KSR1: variants seen among roughly 807,000 people sequenced by gnomAD.
KSR1 encodes the protein kinase suppressor of ras 1.
Under a neutral mutation model 92.9 loss-of-function variants are expected in KSR1, and 35 were observed. The observed-to-expected ratio is 0.38, with a 90% CI of 0.29 to 0.50. The LOEUF (loss-of-function observed/expected upper bound fraction) is 0.50, where lower values mean the gene tolerates loss of function less well. KSR1 is among the 20% of genes least tolerant of loss of function. The pLI, the probability that KSR1 is intolerant of heterozygous loss-of-function variation, is 0.94. For synonymous variants in KSR1, 467 were observed against 472.6 expected (o/e 0.99, Z 0.15); for missense variants, 972 against 1,158.5 (o/e 0.84, Z 2.34).
intron 10 of KSR1, among the ~76,000 whole-genome samples, chr17:27,598,923 G>A (rs191835193): frequency 1.4e-4 from 22 of 152,228 alleles, no homozygotes; most frequent in East Asian, 9.7e-4. Context: ...GCCTCCTATC[G>A]TCCCCTGCTC....
chr17:27,528,032 G>A (rs369869949), intron 1 of KSR1, among the ~76,000 whole-genome samples: 3 of 152,210 alleles, frequency 2.0e-5, no homozygotes, highest in Admixed American at 6.5e-5. Context: ...TTAGTGTATC[G>A]AGTAGGTATT....
Position 27,612,010 on chromosome 17 carries a change from G to A in KSR1, c.2493+381G>A, listed in dbSNP as rs545887815. 2.0e-5 allele frequency among the ~76,000 whole-genome samples: 3 copies of A among 152,206 alleles called. No homozygotes were observed. In the South Asian group the frequency reaches 6.2e-4, roughly 32 times the overall value. Reference sequence around the variant, plus strand: ...ATACAAATAGTTGTGCTATGCTGTGGTATTAAATCTTTCCTCATAATGTTT... The same window carrying A: ...ATACAAATAGTTGTGCTATGCTGTGATATTAAATCTTTCCTCATAATGTTT... On this transcript the variant is annotated intron_variant, in intron 18 of 20. Coordinates refer to ENST00000644974, the MANE Select transcript of KSR1 (RefSeq NM_001394583.1).
intron 1 of KSR1, among the ~76,000 whole-genome samples, chr17:27,532,787 C>T (rs985504200): frequency 1.3e-5 from 2 of 152,208 alleles, no homozygotes; most frequent in African/African-American, 4.8e-5. Context: ...CCTGGGGCTC[C>T]TCACCAGTAT....
intron 1 of KSR1, among the ~76,000 whole-genome samples, chr17:27,508,312 A>G (rs999860941): frequency 6.6e-6 from 1 of 152,144 alleles, no homozygotes; most frequent in Non-Finnish European, 1.5e-5. Context: ...AATAATGGTT[A>G]TCATTGACTG....
intron 1 of KSR1, among the ~76,000 whole-genome samples, chr17:27,478,830 C>T (rs2068421052): frequency 1.3e-5 from 2 of 152,154 alleles, no homozygotes; most frequent in African/African-American, 4.8e-5. Context: ...CCTGGGAATC[C>T]ATTTCCTAAT....
intron 1 of KSR1, among the ~76,000 whole-genome samples, chr17:27,540,535 C>G (rs2070922164): frequency 6.6e-6 from 1 of 152,232 alleles, no homozygotes; most frequent in African/African-American, 2.4e-5. Context: ...GAGGTTGTCT[C>G]TACACAAATG....
At chr17:27,496,520 C>T (rs2150971287) in intron 1 of KSR1, among the ~76,000 whole-genome samples, 1 of 152,210 alleles carries the variant, frequency 6.6e-6, no homozygotes, top group Non-Finnish European at 1.5e-5. Context: ...TTCCTCACCT[C>T]TCCCCTCCCT....
chr17:27,523,080 G>A lies in KSR1; in HGVS notation c.232-27488G>A, dbSNP rs143722618. 2.9e-3 allele frequency among the ~76,000 whole-genome samples: 445 copies of A among 152,300 alleles called. 14 individuals carry two copies. In the East Asian group the frequency reaches 0.068, roughly 23 times the overall value. On this transcript the variant is annotated intron_variant, in intron 1 of 20. Coordinates refer to ENST00000644974, the MANE Select transcript of KSR1 (RefSeq NM_001394583.1). ...TCAAGAGAACTTGACTAGATGTGGTGAAGTTAGGGATACACATACCCTATA... is the reference window on the plus strand; with the variant it reads ...TCAAGAGAACTTGACTAGATGTGGTAAAGTTAGGGATACACATACCCTATA...
intron 1 of KSR1, among the ~76,000 whole-genome samples, chr17:27,466,095 C>T (rs1313374732): frequency 1.3e-5 from 2 of 152,262 alleles, no homozygotes; most frequent in African/African-American, 2.4e-5. Flanking sequence ...AGTACTGCAA[C>T]AACAGTTCTC....
intron 1 of KSR1, among the ~76,000 whole-genome samples, chr17:27,540,429 A>G (rs1386167805): frequency 6.6e-6 from 1 of 151,850 alleles, no homozygotes; most frequent in Non-Finnish European, 1.5e-5. Flanking sequence ...GAATATCTCC[A>G]CTTGTGGTCT....
chr17:27,561,864 G>A (rs993676977), intron 2 of KSR1, among the ~76,000 whole-genome samples: 3 of 152,090 alleles, frequency 2.0e-5, no homozygotes, highest in African/African-American at 7.2e-5. Flanking sequence ...TTGTTTGTTT[G>A]TGGCAGAGTC....
rs1174891619 is a variant in KSR1 at position 27,622,184 on chromosome 17, A to G, written c.2708+911A>G. 5 of 558,670 alleles carry G rather than the reference A, an allele frequency of 8.9e-6. No homozygotes were observed. In the African/African-American group the frequency reaches 9.5e-5, roughly 11 times the overall value. The allele number at this position is 558,670 out of a possible 1,614,324, so 34.6% of individuals were successfully genotyped here. On this transcript the variant is annotated intron_variant, in intron 20 of 20. Coordinates refer to ENST00000644974, the MANE Select transcript of KSR1 (RefSeq NM_001394583.1). ...GGATCCCACTAACTGAGCTCCCTCC[A>G]AGGCAGTCTGGGCAGCTTCTAACTA...
Position 27,601,371 on chromosome 17 carries a change from A to G in KSR1, c.1480A>G (p.Ile494Val). The G allele has an allele frequency of 6.2e-7, 1 of 1,613,662 alleles. No individual in the cohort carries two copies. Residue 494 changes from isoleucine (I) to valine (V), a missense_variant, in exon 11 of 21, where the codon ATT becomes GTT. Ile to Val is a conservative substitution (Grantham distance 29, BLOSUM62 3). Coordinates refer to ENST00000644974, the MANE Select transcript of KSR1 (RefSeq NM_001394583.1). ...SRFNFPAAYF[I>V]HHRQQFIFPD... is the part of the protein sequence containing the mutation. ...TCTTCTGTTTAAAGCTGCCTACTTCATTCATCATAGACAGCAGTTTATCTT... is the reference window on the plus strand; with the variant it reads ...TCTTCTGTTTAAAGCTGCCTACTTCGTTCATCATAGACAGCAGTTTATCTT...
At chr17:27,621,378 CATTT>C (rs1318474271) in intron 20 of KSR1, 105 bp downstream of exon 20, 7 of 396,610 alleles carry the variant, frequency 1.8e-5, no homozygotes, top group Non-Finnish European at 3.1e-5. Flanking sequence ...ATCTTTGTGT[CATTT>C]ATTCTCGCAA....
chr17:27,551,978 G>A (rs2071413132), intron 2 of KSR1, among the ~76,000 whole-genome samples: 1 of 152,046 alleles, frequency 6.6e-6, no homozygotes, highest in Non-Finnish European at 1.5e-5. Context: ...GGCCTCTCTC[G>A]CCTCTGTTTG....
At chr17:27,588,608 T>A in intron 6 of KSR1, 73 bp downstream of exon 6, 4 of 1,339,086 alleles carry the variant, frequency 3.0e-6, no homozygotes, top group Non-Finnish European at 4.1e-6. Context: ...GGAGTTCTGG[T>A]CACTGTTTCT....
At position 27,610,211 on chromosome 17, in the gene KSR1, C is replaced by T; in HGVS notation, c.2357+13C>T. ...TCTATGCATTTGGGTGAGTAGGCCC[C>T]TGGTGCCCTGAGGCCAAGTGTGGCC... On this transcript the variant is annotated intron_variant, in intron 17 of 20. Coordinates refer to ENST00000644974, the MANE Select transcript of KSR1 (RefSeq NM_001394583.1). The T allele has an allele frequency of 5.0e-6, 8 of 1,613,676 alleles. No individual in the cohort carries two copies. Among genetic ancestry groups the T allele is most frequent in the Non-Finnish European group, 6.8e-6 (8 of 1,179,672 alleles).
rs1364409711 is a variant in KSR1 at position 27,623,349 on chromosome 17, G to A, written c.2744G>A (p.Arg915Lys). ...AGCAAAGTTGTACCCCGGTTTGAAA[G>A]GTTTGGCTTGGGCGTCCTGGAGTCC... ...NSSKVVPRFE[R>K]FGLGVLESSN... Residue 915 changes from arginine to lysine, a missense_variant, in exon 21 of 21, where the codon AGG becomes AAG. Arg to Lys is a conservative substitution (Grantham distance 26). Coordinates refer to ENST00000644974, the MANE Select transcript of KSR1 (RefSeq NM_001394583.1). 5.2e-6 allele frequency: 4 copies of A among 765,216 alleles called. No individual in the cohort carries two copies. Among genetic ancestry groups the A allele is most frequent in the Non-Finnish European group, 9.6e-6 (4 of 417,876 alleles). 47.4% of individuals were successfully genotyped at this position (765,216 alleles called of 1,614,324 possible). A position where few individuals can be genotyped will look rare whatever the true frequency, so the allele number is the denominator to read the frequency against.
At chr17:27,462,132 A>G (rs1453952053) in intron 1 of KSR1, among the ~76,000 whole-genome samples, 2 of 152,206 alleles carry the variant, frequency 1.3e-5, no homozygotes, top group African/African-American at 2.4e-5. Context: ...CACCTGTTCT[A>G]TGTTGAGCAC....
Sources: gnomAD v4.1 joint callset for allele counts (sites outside exome capture counted in the v4.1 genomes callset) on GRCh38, gnomAD v4.1.1 for gene constraint, MANE v1.5 for transcripts, NCBI Gene and HGNC (gene_info 2026-07-23, HGNC 2026-07-21) for gene names.